The following JADE2 variants were observed in gnomAD, a reference collection of about 807,000 sequenced individuals.
The protein encoded by JADE2 is jade family PHD finger 2.
Under a neutral mutation model 85.7 loss-of-function variants are expected in JADE2, and 13 were observed. The ratio of observed to expected loss-of-function variants is 0.15; its 90% CI spans 0.10 to 0.24. JADE2 has a LOEUF of 0.24. Among genes scored for constraint, JADE2 ranks in the 10% least tolerant of loss-of-function variants. The pLI is 1.00. For missense variants in JADE2, 846 were observed against 1,115.9 expected (o/e 0.76, Z 3.45); for synonymous variants, 440 against 456.1 (o/e 0.96, Z 0.45).
In JADE2 at chr5:134,566,149, G is replaced by A; in HGVS notation, c.1003G>A (p.Val335Ile). The A allele has an allele frequency of 6.2e-7, 1 of 1,613,862 alleles. No homozygotes were observed. The highest frequency in any genetic ancestry group is 2.2e-5 in the East Asian group (1 of 44,818). ...GCCTTCCTGCGTCACAGCGTTCCAT[G>A]TCACATGCGCCTTTGACCACGGCCT... ...SMPSCVTAFH[V>I]TCAFDHGLEM... The change falls in exon 9 of 12, where the codon GTC (valine) becomes ATC (isoleucine). Residue 335 changes from valine to isoleucine, a missense_variant. Transcript: ENST00000681547. The surrounding 1 kb of genome is among the most constrained non-coding windows in gnomAD (Gnocchi z 6.7).
chr5:134,563,486 G>T (rs1234540084), intron 7 of JADE2, among the ~76,000 whole-genome samples: 1 of 152,174 alleles, frequency 6.6e-6, no homozygotes, highest in Admixed American at 6.5e-5. Context: ...GGTCCTGGGT[G>T]CCTGGCAGGC....
intron 3 of JADE2, among the ~76,000 whole-genome samples, chr5:134,544,096 G>C (rs779638158): frequency 2.6e-5 from 4 of 152,262 alleles, no homozygotes; most frequent in Non-Finnish European, 5.9e-5. Flanking sequence ...GCCAAGCGGT[G>C]GGGGTTTCCC....
rs1173317182 is a variant in JADE2 at position 134,578,745 on chromosome 5, C to T, written c.1933C>T (p.Pro645Ser). 1.9e-6 allele frequency: 3 copies of T among 1,613,558 alleles called. No individual in the cohort carries two copies. Among genetic ancestry groups the T allele is most frequent in the Non-Finnish European group, 2.5e-6 (3 of 1,179,984 alleles). ...ARKARGRTRL[P>S]AKKKPPPPPP... ...GAAGGCCCGAGGCCGCACCCGCCTG[C>T]CTGCCAAGAAGAAACCACCACCACC... The change falls in exon 12 of 12, where the codon CCT becomes TCT. Residue 645 changes from proline (P) to serine (S), a missense_variant. Around this residue, in one of 9 missense-constraint regions of JADE2, gnomAD observed 300 missense variants for 300.7 expected, o/e 1.00. Transcript: ENST00000681547. The surrounding 1 kb of genome is among the most constrained non-coding windows in gnomAD (Gnocchi z 4.4).
chr5:134,541,763 G>A (rs1472937282), intron 3 of JADE2, among the ~76,000 whole-genome samples: 1 of 152,226 alleles, frequency 6.6e-6, no homozygotes, highest in Non-Finnish European at 1.5e-5. Flanking sequence ...GTTGGGTTTG[G>A]GTGGGATAGG....
At chr5:134,524,891 GCACTTTCTGCT>G (rs1396424577), upstream of JADE2, among the ~76,000 whole-genome samples, 14 of 152,188 alleles carry the variant, frequency 9.2e-5, no homozygotes, top group Admixed American at 9.2e-4. Context: ...CCTCCTGCCA[GCACTTTCTGCT>G]CACTTCTGGT....
At position 134,560,835 on chromosome 5, in the gene JADE2, A is replaced by G; in HGVS notation, c.562A>G (p.Thr188Ala). The change falls in exon 6 of 12, where the codon ACG becomes GCG. Residue 188 changes from threonine to alanine, a missense_variant. Physicochemically the swap from Thr to Ala is moderately conservative, Grantham distance 58. This residue lies in a region of JADE2 where 129 missense variants were observed against 255.4 expected (regional missense o/e 0.51). Coordinates refer to ENST00000681547, the MANE Select transcript of JADE2 (RefSeq NM_001388185.1). ...CCAGAATATGGCCAGGGCCATTGAG[A>G]CGCAGGAGGGGCTGGGCATCGAGTA... ...CHQNMARAIE[T>A]QEGLGIEYDE... 1 of 1,614,174 alleles carries G rather than the reference A, an allele frequency of 6.2e-7. No individual in the cohort carries two copies. Among genetic ancestry groups the G allele is most frequent in the Non-Finnish European group, 8.5e-7 (1 of 1,180,020 alleles).
At chr5:134,533,845 C>G (rs1481340680) in intron 1 of JADE2, among the ~76,000 whole-genome samples, 3 of 150,106 alleles carry the variant, frequency 2.0e-5, no homozygotes, top group Non-Finnish European at 4.4e-5. Flanking sequence ...CTCCCTGACT[C>G]AAGCTATCCT....
chr5:134,545,094 G>A (rs1297122072), intron 3 of JADE2, among the ~76,000 whole-genome samples: 3 of 152,218 alleles, frequency 2.0e-5, no homozygotes, highest in African/African-American at 7.2e-5. Context: ...CCAAAAAAAG[G>A]TTTTGTGCTT....
At chr5:134,527,936 G>A (rs900411664) in intron 1 of JADE2, among the ~76,000 whole-genome samples, 4 of 152,144 alleles carry the variant, frequency 2.6e-5, no homozygotes, top group Non-Finnish European at 4.4e-5. Flanking sequence ...AGCACCCCTG[G>A]GTCATCTTCT....
rs921561616 is a variant in JADE2 at position 134,576,972 on chromosome 5, G to A, written c.1681+76G>A. On this transcript the variant is annotated intron_variant, in intron 11 of 11. Transcript: ENST00000681547. ...ACGCTTGCAGCTCTGTCTGCCCTGC[G>A]GAAGGCCAGCTGCACAGAGTAGGAG... 1.6e-5 allele frequency: 23 copies of A among 1,464,574 alleles called. 1 individual carries two copies. The highest frequency in any genetic ancestry group is 1.4e-4 in the African/African-American group (10 of 70,420). 90.7% of individuals were successfully genotyped at this position (1,464,574 alleles called of 1,614,324 possible).
At chr5:134,563,280 T>C (rs1297303248) in intron 7 of JADE2, among the ~76,000 whole-genome samples, 1 of 151,058 alleles carries the variant, frequency 6.6e-6, no homozygotes, top group African/African-American at 2.4e-5. Context: ...ATCGCGCCAC[T>C]GCACTCCTGC....
At chr5:134,540,149 G>C (rs1343688098) in intron 3 of JADE2, among the ~76,000 whole-genome samples, 1 of 152,116 alleles carries the variant, frequency 6.6e-6, no homozygotes, top group South Asian at 2.1e-4. Flanking sequence ...GGAAGCAAAA[G>C]GCAGGTGGGG....
At chr5:134,569,829 G>A (rs370310110) in intron 9 of JADE2, among the ~76,000 whole-genome samples, 5 of 152,164 alleles carry the variant, frequency 3.3e-5, no homozygotes, top group East Asian at 3.8e-4. Flanking sequence ...GCTCCAGCCT[G>A]CAGACCTCTG....
At chr5:134,534,296 C>A (rs1427199125) in intron 1 of JADE2, among the ~76,000 whole-genome samples, 1 of 151,956 alleles carries the variant, frequency 6.6e-6, no homozygotes, top group Non-Finnish European at 1.5e-5. Context: ...CCTGTGGAAC[C>A]CCCTCCCGCT....
chr5:134,546,638 G>A (rs551055051), intron 3 of JADE2, among the ~76,000 whole-genome samples: 15 of 151,880 alleles, frequency 9.9e-5, no homozygotes, highest in African/African-American at 3.1e-4. Flanking sequence ...CGCGGTGGCC[G>A]GTGCCTGTAA....
Position 134,578,971 on chromosome 5 carries a change from T to C in JADE2, c.2159T>C (p.Leu720Pro). ...GCCACCCCTGAAAGCCCCCCGCCACTGGCCCCTGAGACCCCGGACGAGGCA... is the reference window on the plus strand; with the variant it reads ...GCCACCCCTGAAAGCCCCCCGCCACCGGCCCCTGAGACCCCGGACGAGGCA... ...ILATPESPPP[L>P]APETPDEAAS... Residue 720 changes from leucine to proline, a missense_variant, in exon 12 of 12, where the codon CTG (leucine) becomes CCG (proline). By Grantham distance (98) the Leu-to-Pro change is moderately conservative (BLOSUM62 -3). Around this residue, in one of 9 missense-constraint regions of JADE2, gnomAD observed 300 missense variants for 300.7 expected, o/e 1.00. Coordinates refer to ENST00000681547, the MANE Select transcript of JADE2 (RefSeq NM_001388185.1). The surrounding 1 kb of genome is among the most constrained non-coding windows in gnomAD (Gnocchi z 4.4). The C allele has an allele frequency of 6.2e-7, 1 of 1,613,628 alleles. No homozygotes were observed. Among genetic ancestry groups the C allele is most frequent in the Non-Finnish European group, 8.5e-7 (1 of 1,179,968 alleles).
Position 134,525,683 on chromosome 5 carries a change from G to A in JADE2, c.-329G>A. ...TTAAAAAGAAACAGAAACATACACA[G>A]GGGGTTGGTGAATGGTGCCGACCGC... On this transcript the variant is annotated 5_prime_UTR_variant, in exon 1 of 12. Transcript: ENST00000681547. 8.0e-7 allele frequency: 1 copy of A among 1,246,008 alleles called. No individual in the cohort carries two copies. The highest frequency in any genetic ancestry group is 1.0e-6 in the Non-Finnish European group (1 of 973,792). The allele number at this position is 1,246,008 out of a possible 1,614,324, so 77.2% of individuals were successfully genotyped here. A position where few individuals can be genotyped will look rare whatever the true frequency, so the allele number is the denominator to read the frequency against.
In JADE2 at chr5:134,579,302, C is replaced by T. The variant is rs1247314727; in HGVS notation, c.2490C>T (p.Gly830=). The change falls in exon 12 of 12, where the codon GGC becomes GGT. Residue 830 remains glycine, a synonymous_variant. Coordinates refer to ENST00000681547, the MANE Select transcript of JADE2 (RefSeq NM_001388185.1). This position sits in a 1 kb window ranked among gnomAD's most constrained non-coding sequence, Gnocchi z 4.6. ...GGGCAGAGGAGGTGGTCCGCATGGG[C>T]GTACTGGCCTCCTAACTCACCCCCT... The part of the protein sequence containing the change: ...EAGAEEVVRM[G]VLAS 8.1e-6 allele frequency: 13 copies of T among 1,604,060 alleles called. No homozygotes were observed. The highest frequency in any genetic ancestry group is 1.7e-5 in the Admixed American group (1 of 59,320).
intron 7 of JADE2, among the ~76,000 whole-genome samples, chr5:134,563,369 G>T (rs191057222): frequency 4.6e-5 from 7 of 152,204 alleles, no homozygotes; most frequent in Non-Finnish European, 8.8e-5. Context: ...TTGGCTAGTG[G>T]GCCTGCTGCT....
Sources: gnomAD v4.1 joint callset for allele counts (sites outside exome capture counted in the v4.1 genomes callset) on GRCh38, gnomAD v4.1.1 for gene constraint, gnomAD v4.1.1 regional missense constraint, Gnocchi (gnomAD v3.1) non-coding constraint, MANE v1.5 for transcripts, NCBI Gene and HGNC (gene_info 2026-07-23, HGNC 2026-07-21) for gene names.